Variants in NRG1 observed in about 807,000 individuals in gnomAD.
NRG1 encodes pro-neuregulin-1, membrane-bound isoform.
Under a neutral mutation model 63.8 loss-of-function variants are expected in NRG1, and 18 were observed. The ratio of observed to expected loss-of-function variants is 0.28; its 90% CI spans 0.19 to 0.42. The LOEUF (loss-of-function observed/expected upper bound fraction) is 0.42, where lower values mean the gene tolerates loss of function less well. Among genes scored for constraint, NRG1 ranks in the 10% least tolerant of loss-of-function variants. NRG1 has a pLI of 1.00. For missense variants in NRG1, 762 were observed against 814.7 expected, an observed-to-expected ratio of 0.94 and a Z score of 0.79; for synonymous variants, 302 against 301.3, an observed-to-expected ratio of 1.00 and a Z score of -0.02.
At chr8:31,819,408 C>T (rs1823789254) in intron 1 of NRG1, among the ~76,000 whole-genome samples, 1 of 152,188 alleles carries the variant, frequency 6.6e-6, no homozygotes, top group Non-Finnish European at 1.5e-5. Context: ...TTGGTCTATA[C>T]ATCTAATGTT....
chr8:32,289,241 C>T (rs891833970), intron 1 of NRG1, among the ~76,000 whole-genome samples: 1 of 152,034 alleles, frequency 6.6e-6, no homozygotes, highest in African/African-American at 2.4e-5. Flanking sequence ...GATGGACTTC[C>T]TGATTTCTGT....
Position 31,840,474 on chromosome 8 carries a change from C to T in NRG1, c.37+201043C>T, listed in dbSNP as rs553327458. 9.9e-5 allele frequency among the ~76,000 whole-genome samples: 15 copies of T among 151,140 alleles called. No individual in the cohort carries two copies. The South Asian group carries it at 3.1e-3, about 32-fold the overall frequency. ...CCTGCCAAGTCTGACTGCATTCCAC[C>T]TGGACCCTGCCTTTGTCTCTCATGT... is the stretch of plus-strand genomic sequence containing the variant. On this transcript the variant is annotated intron_variant, in intron 1 of 10. Transcript: ENST00000519301.
At chr8:31,720,385 A>G (rs1481015477) in intron 1 of NRG1, among the ~76,000 whole-genome samples, 1 of 152,178 alleles carries the variant, frequency 6.6e-6, no homozygotes, top group Admixed American at 6.5e-5. Context: ...ACATACGTAA[A>G]CATGTGTCAC....
At chr8:31,820,523 A>C (rs141928468) in intron 1 of NRG1, among the ~76,000 whole-genome samples, 182 of 152,186 alleles carry the variant, frequency 1.2e-3, no homozygotes, top group African/African-American at 4.0e-3. Context: ...GGTTGCCAGT[A>C]CTCTTTGCTA....
chr8:32,150,391 C>A (rs1309572497), intron 1 of NRG1, among the ~76,000 whole-genome samples: 1 of 152,128 alleles, frequency 6.6e-6, no homozygotes, highest in Non-Finnish European at 1.5e-5. Context: ...GTGATATAAT[C>A]AAGAGATAAG....
intron 1 of NRG1, among the ~76,000 whole-genome samples, chr8:32,339,009 C>T (rs915903800): frequency 6.6e-6 from 1 of 152,016 alleles, no homozygotes. Context: ...CCTGATAAAG[C>T]ACATGAACAA....
At position 32,041,564 on chromosome 8, in the gene NRG1, G is replaced by A. The variant is rs530409888; in HGVS notation, c.37+402133G>A. On this transcript the variant is annotated intron_variant, in intron 1 of 10. Transcript: ENST00000519301. ...AAGCTCAGAAGTAGACATCAACACA[G>A]GCAGGAAGAGCTTCACCTGGCAGTG... is the stretch of plus-strand genomic sequence containing the variant. Among the ~76,000 whole-genome samples, 4 of 152,284 alleles carry A rather than the reference G, an allele frequency of 2.6e-5. No homozygotes were observed. The East Asian group carries it at 5.8e-4, about 22-fold the overall frequency.
At chr8:31,798,092 G>C (rs1275020191) in intron 1 of NRG1, among the ~76,000 whole-genome samples, 1 of 152,098 alleles carries the variant, frequency 6.6e-6, no homozygotes, top group Non-Finnish European at 1.5e-5. Context: ...GAGGTTAAGA[G>C]GTTGGTGCAG....
intron 1 of NRG1, among the ~76,000 whole-genome samples, chr8:31,647,658 G>A (rs1394016863): frequency 6.6e-6 from 1 of 152,182 alleles, no homozygotes; most frequent in African/African-American, 2.4e-5. Flanking sequence ...CAGAGTGGGT[G>A]TGCTCATTGT....
At chr8:31,915,676 T>A (rs1339568042) in intron 1 of NRG1, among the ~76,000 whole-genome samples, 2 of 152,124 alleles carry the variant, frequency 1.3e-5, no homozygotes, top group African/African-American at 2.4e-5. Flanking sequence ...TCATTTTATA[T>A]CCTTTACAAT....
At chr8:32,229,443 A>T (rs1473152102) in intron 1 of NRG1, among the ~76,000 whole-genome samples, 1 of 152,038 alleles carries the variant, frequency 6.6e-6, no homozygotes, top group Admixed American at 6.6e-5. Context: ...TAGATGAGAT[A>T]CTCACTCATT....
intron 7 of NRG1, chr8:32,749,160 TC>T (rs1304836445): frequency 6.1e-6 from 1 of 163,668 alleles, no homozygotes; most frequent in Admixed American, 6.1e-5. Flanking sequence ...TAAATAAAAT[TC>T]ACCTCCTTGG....
In NRG1 at chr8:31,982,936, G is replaced by T. The variant is rs867040311; in HGVS notation, c.37+343505G>T. Among the ~76,000 whole-genome samples, 7 of 152,044 alleles carry T rather than the reference G, an allele frequency of 4.6e-5. No homozygotes were observed. The South Asian group carries it at 1.2e-3, about 27-fold the overall frequency. Reference sequence around the variant, plus strand: ...ATCAGTGCCAGTTTTATGCTGGCAGGGTTTTAAAAGAATGGAGAAGGGATT... The same window carrying T: ...ATCAGTGCCAGTTTTATGCTGGCAGTGTTTTAAAAGAATGGAGAAGGGATT... On this transcript the variant is annotated intron_variant, in intron 1 of 10. Transcript: ENST00000519301.
At chr8:32,135,232 A>G (rs1835355004) in intron 1 of NRG1, among the ~76,000 whole-genome samples, 1 of 152,202 alleles carries the variant, frequency 6.6e-6, no homozygotes, top group South Asian at 2.1e-4. Flanking sequence ...TTCTAAATAT[A>G]GCAGAATACA....
intron 1 of NRG1, among the ~76,000 whole-genome samples, chr8:32,421,806 T>A (rs114487035): frequency 4.6e-4 from 70 of 151,968 alleles, no homozygotes; most frequent in African/African-American, 1.5e-3. Flanking sequence ...CCTAAGCTGA[T>A]TTTGTGTGTT....
In NRG1 at chr8:32,322,548, C is replaced by T. The variant is rs1801535498; in HGVS notation, c.38-273280C>T. ...CTATATATTGGTTCTAGGACTTATT[C>T]CTGGAGTTATATCCTGCACATTGGC... On this transcript the variant is annotated intron_variant, in intron 1 of 10. Coordinates refer to the NRG1 transcript ENST00000519301. 2.6e-5 allele frequency among the ~76,000 whole-genome samples: 4 copies of T among 151,976 alleles called. No homozygotes were observed. The South Asian group carries it at 8.3e-4, about 32-fold the overall frequency.
intron 1 of NRG1, among the ~76,000 whole-genome samples, chr8:31,862,548 A>G (rs1828562327): frequency 6.6e-6 from 1 of 152,204 alleles, no homozygotes; most frequent in African/African-American, 2.4e-5. Context: ...TTGGGCAACT[A>G]AATGATATAC....
chr8:32,543,174 T>G (rs562216835), intron 1 of NRG1, among the ~76,000 whole-genome samples: 1 of 152,198 alleles, frequency 6.6e-6, no homozygotes, highest in Non-Finnish European at 1.5e-5. Context: ...CTCTGCCTTT[T>G]ATAGGCTTAT....
chr8:32,516,771 G>A (rs538674487), intron 1 of NRG1, among the ~76,000 whole-genome samples: 1 of 152,126 alleles, frequency 6.6e-6, no homozygotes, highest in Non-Finnish European at 1.5e-5. Context: ...CCACAAAAAT[G>A]TTCCATTAGC....
Sources: gnomAD v4.1 joint callset for allele counts (sites outside exome capture counted in the v4.1 genomes callset) on GRCh38, gnomAD v4.1.1 for gene constraint, MANE v1.5 for transcripts, NCBI Gene and HGNC (gene_info 2026-07-23, HGNC 2026-07-21) for gene names.